The following USP26 variants were observed in gnomAD, a reference collection of about 807,000 sequenced individuals.
USP26 encodes ubiquitin specific peptidase 26.
For missense variants in USP26, 649 were observed against 642.3 expected (o/e 1.01, Z -0.11); for synonymous variants, 236 against 240.6 (o/e 0.98, Z 0.18).
intron 5 of USP26, among the ~76,000 whole-genome samples, chrX:133,057,613 C>T (rs770847873): frequency 2.3e-4 from 25 of 107,865 alleles, no homozygotes; most frequent in African/African-American, 5.0e-4. Flanking sequence ...ACGTATTTAA[C>T]GCTATAAATT....
At chrX:133,041,719 T>C (rs771292354) in intron 5 of USP26, among the ~76,000 whole-genome samples, 7 of 112,581 alleles carry the variant, frequency 6.2e-5, no homozygotes, top group Non-Finnish European at 9.4e-5. Context: ...AGAGCTGGTG[T>C]GCTGTGCTGG....
intron 4 of USP26, among the ~76,000 whole-genome samples, chrX:133,086,297 T>C (rs998902754): frequency 1.8e-5 from 2 of 111,906 alleles, no homozygotes; most frequent in African/African-American, 3.3e-5. Context: ...TTTGCAAATG[T>C]TTCTTCCTTA....
At chrX:133,071,674 T>A (rs1198718957) in intron 5 of USP26, among the ~76,000 whole-genome samples, 2 of 112,113 alleles carry the variant, frequency 1.8e-5, no homozygotes, top group Non-Finnish European at 3.8e-5. Context: ...TGCAGTACAC[T>A]TGTACCAATG....
chrX:133,025,554 A>G lies in USP26; in HGVS notation c.2667T>C (p.Phe889=), dbSNP rs1423955481. 5 of 1,209,124 alleles carry G rather than the reference A, an allele frequency of 4.1e-6. No homozygotes were observed. In the African/African-American group the frequency reaches 7.0e-5, roughly 17 times the overall value. Residue 889 remains phenylalanine, a synonymous_variant, in exon 6 of 6, where the codon TTT becomes TTC. Transcript: ENST00000511190. ...YIFFYMHNEI[F]EEMLKREENA... is the part of the protein sequence containing the mutation. The stretch of plus-strand genomic sequence containing the variant: ...TCTCTTCTCTTTTCAACATCTCTTC[A>G]AAGATCTCATTATGCATGTAAAAGA...
At chrX:133,046,549 T>C (rs17305607) in intron 5 of USP26, among the ~76,000 whole-genome samples, 2,926 of 111,542 alleles carry the variant, frequency 0.026, 34 homozygotes, top group Non-Finnish European at 0.041. Flanking sequence ...GTGATTCTCA[T>C]TCATCTCCCT....
At position 133,025,326 on chromosome X, in the gene USP26, G is replaced by A. The variant is rs888601220; in HGVS notation, c.*153C>T. 2.9e-5 allele frequency: 25 copies of A among 852,793 alleles called. No homozygotes were observed. In the Admixed American group the frequency reaches 7.8e-4, roughly 27 times the overall value. The allele number at this position is 852,793 out of a possible 1,213,427, so 70.3% of individuals were successfully genotyped here. On this transcript the variant is annotated 3_prime_UTR_variant, in exon 6 of 6. Coordinates refer to ENST00000511190, the MANE Select transcript of USP26 (RefSeq NM_031907.3). ...GAGGTGTCTGTGTCAGGATTAGAAT[G>A]CAGATCTCCCCATTAAGTGTTTCTG... is the stretch of plus-strand genomic sequence containing the variant.
At chrX:133,071,925 G>A (rs1230890327) in intron 5 of USP26, among the ~76,000 whole-genome samples, 2 of 111,318 alleles carry the variant, frequency 1.8e-5, no homozygotes, top group African/African-American at 6.5e-5. Context: ...GTAAAGGGTT[G>A]GCCCCAAGGT....
intron 5 of USP26, among the ~76,000 whole-genome samples, chrX:133,036,363 C>T (rs2067395953): frequency 9.1e-6 from 1 of 110,083 alleles, no homozygotes. Flanking sequence ...GTATGATGTT[C>T]CTCTCCCTGT....
Position 133,025,345 on chromosome X carries a change from G to A in USP26, c.*134C>T, listed in dbSNP as rs2067341028. ...TAGAATGCAGATCTCCCCATTAAGT[G>A]TTTCTGTTTGACCTTTGGTCCTAGA... On this transcript the variant is annotated 3_prime_UTR_variant, in exon 6 of 6. Transcript: ENST00000511190. 1 of 1,012,478 alleles carries A rather than the reference G, an allele frequency of 9.9e-7. No homozygotes were observed. Among genetic ancestry groups the A allele is most frequent in the African/African-American group, 1.9e-5 (1 of 52,841 alleles). 83.4% of individuals were successfully genotyped at this position (1,012,478 alleles called of 1,213,427 possible). A position where few individuals can be genotyped will look rare whatever the true frequency, so the allele number is the denominator to read the frequency against.
intron 5 of USP26, among the ~76,000 whole-genome samples, chrX:133,071,756 C>T (rs1383576437): frequency 2.7e-5 from 3 of 111,553 alleles, no homozygotes; most frequent in Non-Finnish European, 3.8e-5. Flanking sequence ...TTGTTTATTT[C>T]GTTTGCCTGG....
chrX:133,077,037 G>T (rs893440157), intron 5 of USP26, among the ~76,000 whole-genome samples: 1 of 112,166 alleles, frequency 8.9e-6, no homozygotes, highest in Non-Finnish European at 1.9e-5. Flanking sequence ...ACAGCCTCCT[G>T]TAGCAATTTC....
chrX:133,079,071 A>T, intron 5 of USP26, among the ~76,000 whole-genome samples: 1 of 111,952 alleles, frequency 8.9e-6, no homozygotes. Flanking sequence ...AGTTGTGTCC[A>T]CCAATCAAAA....
At chrX:133,070,906 T>C (rs1286654933) in intron 5 of USP26, among the ~76,000 whole-genome samples, 1 of 111,658 alleles carries the variant, frequency 9.0e-6, no homozygotes, top group African/African-American at 3.3e-5. Flanking sequence ...GCCTCAGTTA[T>C]ACAAACCTTG....
rs1228492492 is a variant in USP26 at position 133,026,028 on chromosome X, T to A, written c.2193A>T (p.Arg731Ser). ...YEDKNIRIPE[R>S]FQKVSEQTQQ... is the part of the protein sequence containing the mutation. The stretch of plus-strand genomic sequence containing the variant: ...GAGTCTGTTCAGACACTTTTTGGAA[T>A]CTTTCTGGAATTCTGATATTTTTAT... The change falls in exon 6 of 6, where the codon AGA becomes AGT. Residue 731 changes from arginine to serine, a missense_variant. By Grantham distance (110) the Arg-to-Ser change is moderately radical. Transcript: ENST00000511190. 6 of 1,208,533 alleles carry A rather than the reference T, an allele frequency of 5.0e-6. No homozygotes were observed. The highest frequency in any genetic ancestry group is 4.4e-5 in the Admixed American group (2 of 45,608).
chrX:133,081,143 C>A (rs1337822780), intron 5 of USP26, among the ~76,000 whole-genome samples: 1 of 110,425 alleles, frequency 9.1e-6, no homozygotes, highest in African/African-American at 3.3e-5. Flanking sequence ...ATTTTGCAGG[C>A]TGAGAAGCTA....
intron 5 of USP26, among the ~76,000 whole-genome samples, chrX:133,076,640 A>G (rs2067549571): frequency 8.9e-6 from 1 of 111,945 alleles, no homozygotes; most frequent in African/African-American, 3.3e-5. Flanking sequence ...TTCTCTTGCT[A>G]TTACTCACTC....
intron 5 of USP26, among the ~76,000 whole-genome samples, chrX:133,080,840 T>C (rs1365191423): frequency 8.9e-6 from 1 of 111,931 alleles, no homozygotes; most frequent in Non-Finnish European, 1.9e-5. Context: ...CTGTAATTCT[T>C]TGATGCCCTG....
intron 1 of USP26, among the ~76,000 whole-genome samples, chrX:133,096,658 ACT>A (rs1356774487): frequency 8.9e-6 from 1 of 111,861 alleles, no homozygotes; most frequent in Non-Finnish European, 1.9e-5. Flanking sequence ...AGTGTGGGAC[ACT>A]GAGGCGGGTG....
chrX:133,072,426 A>G (rs1189295171), intron 5 of USP26, among the ~76,000 whole-genome samples: 1 of 112,356 alleles, frequency 8.9e-6, no homozygotes, highest in African/African-American at 3.2e-5. Flanking sequence ...AAATATATAC[A>G]TTCACATATA....
Sources: allele counts gnomAD v4.1 joint callset (sites outside exome capture counted in the v4.1 genomes callset), GRCh38; gene constraint gnomAD v4.1.1; transcripts MANE v1.5; gene names NCBI Gene and HGNC (gene_info 2026-07-23, HGNC 2026-07-21).